Variants in AUTS2 observed in about 807,000 individuals in gnomAD.
AUTS2 encodes the protein autism susceptibility gene 2 protein.
In AUTS2, 17 loss-of-function variants were observed where a neutral mutation model predicts 112.4. The observed-to-expected ratio is 0.15, with a 90% CI of 0.10 to 0.23. The LOEUF (loss-of-function observed/expected upper bound fraction) is 0.23, where lower values mean the gene tolerates loss of function less well. Ranked by LOEUF, AUTS2 falls within the 10% of genes least tolerant of loss-of-function variation. The pLI is 1.00. For missense variants in AUTS2, 1,510 were observed against 1,701.6 expected (o/e 0.89, Z 1.98); for synonymous variants, 751 against 702.7 (o/e 1.07, Z -1.09).
intron 5 of AUTS2, among the ~76,000 whole-genome samples, chr7:70,640,380 G>C (rs1805750835): frequency 1.1e-5 from 1 of 94,856 alleles, no homozygotes; most frequent in African/African-American, 4.2e-5. Context: ...GACTCATTTA[G>C]AACAAGTTGA....
rs149778999 is a variant in AUTS2, at chr7:70,402,597, G to C, written c.661-33155G>C. Among the ~76,000 whole-genome samples the C allele has an allele frequency of 3.7e-3, 568 of 152,268 alleles. 4 individuals are homozygous for C. Among genetic ancestry groups the C allele is most frequent in the African/African-American group, 0.013 (531 of 41,548 alleles). ...CTCAACCTAGAGTTCTGGTTTGTAG[G>C]GTACAGAGAGAAAGGCTTGCATGCG... On this transcript the variant is annotated intron_variant, in intron 4 of 18. Transcript: ENST00000342771.
chr7:70,160,882 T>C (rs1057264972), intron 4 of AUTS2, among the ~76,000 whole-genome samples: 8 of 152,188 alleles, frequency 5.3e-5, no homozygotes, highest in African/African-American at 1.9e-4. Flanking sequence ...GCAATAATCT[T>C]GTCATGCCAG....
At chr7:70,621,840 T>TTTG (rs1563082065) in intron 5 of AUTS2, among the ~76,000 whole-genome samples, 8 of 121,200 alleles carry the variant, frequency 6.6e-5, no homozygotes, top group Non-Finnish European at 1.4e-4. Context: ...GTCATTCTCT[T>TTTG]TTTTTTTTTT....
intron 4 of AUTS2, among the ~76,000 whole-genome samples, chr7:70,206,091 G>A (rs1810560397): frequency 6.6e-6 from 1 of 152,178 alleles, no homozygotes; most frequent in Non-Finnish European, 1.5e-5. Context: ...TAGGACATAT[G>A]GCTAATTAAG....
intron 5 of AUTS2, among the ~76,000 whole-genome samples, chr7:70,595,069 C>A (rs1803129170): frequency 6.6e-6 from 1 of 151,864 alleles, no homozygotes; most frequent in South Asian, 2.1e-4. Context: ...CCATTGCACT[C>A]CAGCCTGAAC....
intron 4 of AUTS2, among the ~76,000 whole-genome samples, chr7:70,295,338 C>A (rs1430035813): frequency 1.3e-5 from 2 of 152,184 alleles, no homozygotes; most frequent in African/African-American, 4.8e-5. Context: ...CAATCTGTTA[C>A]ACCTCAGACC....
At chr7:70,619,481 G>C (rs1054116680) in intron 5 of AUTS2, among the ~76,000 whole-genome samples, 1 of 151,904 alleles carries the variant, frequency 6.6e-6, no homozygotes, top group Non-Finnish European at 1.5e-5. Flanking sequence ...GAGAGGAAGA[G>C]AGAGCTGCGT....
rs145568786 is a variant in AUTS2, at chr7:70,755,872, A to G, written c.743-6998A>G. Among the ~76,000 whole-genome samples, 178 of 151,988 alleles carry G rather than the reference A, an allele frequency of 1.2e-3. 1 individual carries two copies. The East Asian group carries it at 0.033, about 28-fold the overall frequency. On this transcript the variant is annotated intron_variant, in intron 6 of 18. Transcript: ENST00000342771. The stretch of plus-strand genomic sequence containing the variant: ...AAGTATACTTTACTAATTACAGTAA[A>G]TAATACTATTATTTAATAACTATAT...
Position 70,160,877 on chromosome 7 carries a change from A to G in AUTS2, c.660+26306A>G, listed in dbSNP as rs145229419. ...CTTTGATGGAGCTGTGATTTGCAAT[A>G]ATCTTGTCATGCCAGGCTCAAAATA... is the stretch of plus-strand genomic sequence containing the variant. On this transcript the variant is annotated intron_variant, in intron 4 of 18. Coordinates refer to ENST00000342771, the MANE Select transcript of AUTS2 (RefSeq NM_015570.4). Among the ~76,000 whole-genome samples the G allele has an allele frequency of 6.6e-5, 10 of 152,322 alleles. No homozygotes were observed. In the East Asian group the frequency reaches 1.5e-3, roughly 24 times the overall value.
chr7:69,802,870 G>A lies in AUTS2; in HGVS notation c.310-96416G>A, dbSNP rs117958787. ...TGTGAATTCTTAAATCTTCCATTGC[G>A]AAGATCTTTGTACAGAATACTGGTT... On this transcript the variant is annotated intron_variant, in intron 1 of 18. Coordinates refer to ENST00000342771, the MANE Select transcript of AUTS2 (RefSeq NM_015570.4). Among the ~76,000 whole-genome samples, 486 of 152,290 alleles carry A rather than the reference G, an allele frequency of 3.2e-3. 2 individuals are homozygous for A. The highest frequency in any genetic ancestry group is 5.8e-3 in the Non-Finnish European group (393 of 68,028).
At chr7:70,006,569 T>C (rs895349416) in intron 2 of AUTS2, among the ~76,000 whole-genome samples, 1 of 152,148 alleles carries the variant, frequency 6.6e-6, no homozygotes, top group Admixed American at 6.5e-5. Context: ...TCTTGCTACT[T>C]CTTGCACCAG....
chr7:70,771,451 G>C lies in AUTS2; in HGVS notation c.1735-98G>C, dbSNP rs371801267. Reference sequence around the variant, plus strand: ...AATGGCATCAAACTGAGATTACGTGGCTTGCTCATGTCGATGTCTTTCTAT... The same window carrying C: ...AATGGCATCAAACTGAGATTACGTGCCTTGCTCATGTCGATGTCTTTCTAT... On this transcript the variant is annotated intron_variant, in intron 10 of 18. Coordinates refer to ENST00000342771, the MANE Select transcript of AUTS2 (RefSeq NM_015570.4). 4.2e-6 allele frequency: 4 copies of C among 948,090 alleles called. No homozygotes were observed. The South Asian group carries it at 5.3e-5, about 13-fold the overall frequency. The allele number at this position is 948,090 out of a possible 1,614,324, so 58.7% of individuals were successfully genotyped here. A position where few individuals can be genotyped will look rare whatever the true frequency, so the allele number is the denominator to read the frequency against.
chr7:70,083,762 C>G (rs1184793036), intron 2 of AUTS2, among the ~76,000 whole-genome samples: 1 of 152,054 alleles, frequency 6.6e-6, no homozygotes, highest in East Asian at 1.9e-4. Context: ...GCCTGGGCAA[C>G]ACTGGAAAAC....
chr7:69,631,941 T>A (rs547023564), intron 1 of AUTS2, among the ~76,000 whole-genome samples: 1 of 152,342 alleles, frequency 6.6e-6, no homozygotes, highest in Non-Finnish European at 1.5e-5. Flanking sequence ...CTCTTCTCTC[T>A]AAGTTGTACT....
chr7:69,898,323 T>G (rs1440745557), intron 1 of AUTS2, among the ~76,000 whole-genome samples: 1 of 152,168 alleles, frequency 6.6e-6, no homozygotes, highest in African/African-American at 2.4e-5. Context: ...AATAACTGAG[T>G]GCCAAAACAT....
At chr7:70,784,629 T>C (rs542910172) in intron 15 of AUTS2, 1 of 326,068 alleles carries the variant, frequency 3.1e-6, no homozygotes, top group African/African-American at 2.2e-5. Flanking sequence ...CCAGGGCAGT[T>C]ATCTCTGTCT....
intron 4 of AUTS2, among the ~76,000 whole-genome samples, chr7:70,332,935 A>G (rs1189458120): frequency 1.3e-5 from 2 of 152,206 alleles, no homozygotes; most frequent in Non-Finnish European, 2.9e-5. Context: ...CACCAAAAGC[A>G]ATGGCAACAA....
chr7:69,772,916 A>C (rs553333919), intron 1 of AUTS2, among the ~76,000 whole-genome samples: 1 of 152,220 alleles, frequency 6.6e-6, no homozygotes, highest in East Asian at 1.9e-4. Flanking sequence ...CCTTGACTTT[A>C]TTTATTACTG....
intron 2 of AUTS2, among the ~76,000 whole-genome samples, chr7:70,034,958 T>C (rs13229395): frequency 0.25 from 38,522 of 152,092 alleles, 4,860 homozygotes; most frequent in Middle Eastern, 0.34. Flanking sequence ...TAGCTTTCCA[T>C]GTAGCTGGGA....
Sources: allele counts gnomAD v4.1 joint callset (sites outside exome capture counted in the v4.1 genomes callset), GRCh38; gene constraint gnomAD v4.1.1; transcripts MANE v1.5; gene names NCBI Gene and HGNC (gene_info 2026-07-23, HGNC 2026-07-21).